The following AR variants were observed in gnomAD, a reference collection of about 807,000 sequenced individuals.
AR encodes androgen receptor, also known as dihydrotestosterone receptor.
AR carries 8 observed loss-of-function variants against 53.9 expected under a neutral mutation model. The ratio of observed to expected loss-of-function variants is 0.15; its 90% CI spans 0.09 to 0.27. The LOEUF is 0.27. AR is among the 10% of genes least tolerant of loss of function. The pLI is 1.00. For missense variants in AR, 639 were observed against 742.5 expected (o/e 0.86, Z 1.62); for synonymous variants, 359 against 316.4 (o/e 1.13, Z -1.43).
intron 3 of AR, among the ~76,000 whole-genome samples, chrX:67,704,863 T>C (rs924347264): frequency 8.9e-6 from 1 of 112,338 alleles, no homozygotes; most frequent in African/African-American, 3.2e-5. Flanking sequence ...TTTCTACATA[T>C]GGCTAACCAG....
At chrX:67,582,477 G>T (rs898383342) in intron 1 of AR, among the ~76,000 whole-genome samples, 14 of 111,882 alleles carry the variant, frequency 1.3e-4, no homozygotes, top group Non-Finnish European at 2.1e-4. Context: ...GTTGGCTTTA[G>T]CAAAAGGAAG....
At chrX:67,568,126 TTTCAAG>T (rs1342313389) in intron 1 of AR, among the ~76,000 whole-genome samples, 2 of 111,734 alleles carry the variant, frequency 1.8e-5, no homozygotes, top group African/African-American at 6.5e-5. Flanking sequence ...TAGAAGCTCA[TTTCAAG>T]TAGGCACGTC....
chrX:67,628,605 T>C (rs1387493383), intron 1 of AR, among the ~76,000 whole-genome samples: 1 of 108,972 alleles, frequency 9.2e-6, no homozygotes, highest in East Asian at 2.9e-4. Flanking sequence ...GACTTCCTCT[T>C]TTCCTAATTG....
At chrX:67,661,133 T>C (rs1343463658) in intron 2 of AR, among the ~76,000 whole-genome samples, 1 of 111,771 alleles carries the variant, frequency 8.9e-6, no homozygotes, top group African/African-American at 3.3e-5. Context: ...TGGGGTTTTC[T>C]AGGTATACAA....
intron 1 of AR, among the ~76,000 whole-genome samples, chrX:67,630,390 T>G (rs1217126343): frequency 8.9e-6 from 1 of 111,819 alleles, no homozygotes; most frequent in Non-Finnish European, 1.9e-5. Flanking sequence ...TACCATTATG[T>G]AATGGCCTTC....
At position 67,545,571 on chromosome X, in the gene AR, G is replaced by C. The variant is rs1260562254; in HGVS notation, c.425G>C (p.Ser142Thr). 1 of 1,183,976 alleles carries C rather than the reference G, an allele frequency of 8.4e-7. No homozygotes were observed. The highest frequency in any genetic ancestry group is 2.4e-5 in the Admixed American group (1 of 41,804). The change falls in exon 1 of 8, where the codon AGC becomes ACC. Residue 142 changes from serine (S) to threonine (T), a missense_variant. Transcript: ENST00000374690. ...VPEPGAAVAA[S>T]KGLPQQLPAP... is the part of the protein sequence containing the mutation. ...GAGCCTGGAGCCGCCGTGGCCGCCA[G>C]CAAGGGGCTGCCGCAGCAGCTGCCA...
In AR at chrX:67,546,004, A is replaced by G. The variant is rs1929709357; in HGVS notation, c.858A>G (p.Pro286=). 3 of 1,210,934 alleles carry G rather than the reference A, an allele frequency of 2.5e-6. No homozygotes were observed. The highest frequency in any genetic ancestry group is 4.4e-5 in the Admixed American group (2 of 45,967). The change falls in exon 1 of 8, where the codon CCA becomes CCG. Residue 286 remains proline, a synonymous_variant. Coordinates refer to ENST00000374690, the MANE Select transcript of AR (RefSeq NM_000044.6). ...PPAVRPTPCA[P]LAECKGSLLD... ...CTGTGCGTCCCACTCCTTGTGCCCC[A>G]TTGGCCGAATGCAAAGGTTCTCTGC... is the stretch of plus-strand genomic sequence containing the variant.
At chrX:67,681,490 A>G (rs1247563585) in intron 2 of AR, among the ~76,000 whole-genome samples, 3 of 112,320 alleles carry the variant, frequency 2.7e-5, no homozygotes, top group Non-Finnish European at 5.6e-5. Context: ...TCCACTTTCC[A>G]GATTTTTGTG....
chrX:67,661,274 G>A (rs2050623529), intron 2 of AR, among the ~76,000 whole-genome samples: 2 of 110,779 alleles, frequency 1.8e-5, no homozygotes, highest in South Asian at 7.8e-4. Context: ...GTGAGAGAGG[G>A]CATCCCTGTC....
chrX:67,548,770 G>GA (rs1406545497), intron 1 of AR, among the ~76,000 whole-genome samples: 2 of 112,241 alleles, frequency 1.8e-5, no homozygotes, highest in African/African-American at 3.2e-5. Flanking sequence ...AGGTCTTAAT[G>GA]AAAAAAGCTT....
rs762847461 is a variant in AR at position 67,716,157 on chromosome X, T to C, written c.2174-1321T>C. On this transcript the variant is annotated intron_variant, in intron 4 of 7. Transcript: ENST00000374690. ...GCCCACTCAAATACGTGGACTGTAC[T>C]AAGTACTAGGGAGGTAAAGATAAAT... Among the ~76,000 whole-genome samples, 111 of 112,308 alleles carry C rather than the reference T, an allele frequency of 9.9e-4. 1 individual carries two copies. The highest frequency in any genetic ancestry group is 3.5e-3 in the African/African-American group (107 of 30,925).
At chrX:67,672,803 G>A (rs1450687370) in intron 2 of AR, among the ~76,000 whole-genome samples, 1 of 111,180 alleles carries the variant, frequency 9.0e-6, no homozygotes. Context: ...CAATTACAGT[G>A]TTACAATATT....
chrX:67,704,484 G>C (rs1427756064), intron 3 of AR, among the ~76,000 whole-genome samples: 2 of 111,703 alleles, frequency 1.8e-5, no homozygotes, highest in Non-Finnish European at 3.8e-5. Flanking sequence ...CCCACTTTTT[G>C]ATGGGGTTGT....
chrX:67,726,936 C>A lies in AR; in HGVS notation c.*3095C>A. 5.7e-6 allele frequency: 1 copy of A among 174,496 alleles called. No individual in the cohort carries two copies. The highest frequency in any genetic ancestry group is 1.1e-5 in the Non-Finnish European group (1 of 90,806). The allele number at this position is 174,496 out of a possible 1,213,427, so 14.4% of individuals were successfully genotyped here. On this transcript the variant is annotated 3_prime_UTR_variant, in exon 8 of 8. Coordinates refer to ENST00000374690, the MANE Select transcript of AR (RefSeq NM_000044.6). ...ACTGGAAAAGTCACAAGGACCATCT[C>A]CAAACAAGTTGGCAGTGCTCGATGT...
At chrX:67,647,322 A>G (rs184542787) in intron 2 of AR, among the ~76,000 whole-genome samples, 1 of 111,806 alleles carries the variant, frequency 8.9e-6, no homozygotes, top group African/African-American at 3.2e-5. Context: ...TTATGTAAGT[A>G]TGGCTTTGAT....
chrX:67,638,216 A>G (rs1490928381), intron 1 of AR, among the ~76,000 whole-genome samples: 3 of 111,495 alleles, frequency 2.7e-5, no homozygotes, highest in African/African-American at 6.5e-5. Flanking sequence ...TCTTTATCCA[A>G]TCTATCATTG....
chrX:67,605,180 T>C (rs1362602359), intron 1 of AR, among the ~76,000 whole-genome samples: 1 of 112,765 alleles, frequency 8.9e-6, no homozygotes, highest in Non-Finnish European at 1.9e-5. Context: ...AGAGTGTTTT[T>C]TGAAACCTCT....
At chrX:67,688,568 A>T (rs2075979420) in intron 3 of AR, among the ~76,000 whole-genome samples, 1 of 111,757 alleles carries the variant, frequency 8.9e-6, no homozygotes, top group Admixed American at 9.5e-5. Flanking sequence ...CAGCACCAAC[A>T]GGCAGAGAAT....
At chrX:67,658,719 C>A (rs1000986358) in intron 2 of AR, among the ~76,000 whole-genome samples, 1 of 112,013 alleles carries the variant, frequency 8.9e-6, no homozygotes, top group Non-Finnish European at 1.9e-5. Flanking sequence ...AGGGGACGTC[C>A]TGTTCCAAGT....
Sources: allele counts gnomAD v4.1 joint callset (sites outside exome capture counted in the v4.1 genomes callset), GRCh38; gene constraint gnomAD v4.1.1; transcripts MANE v1.5; gene names NCBI Gene and HGNC (gene_info 2026-07-23, HGNC 2026-07-21).